The following LINGO2 variants were observed in gnomAD, a reference collection of about 807,000 sequenced individuals.
LINGO2 encodes leucine rich repeat and Ig domain containing 2, also known as leucine-rich repeat and immunoglobulin-like domain-containing nogo receptor-interacting protein 2.
A neutral mutation model predicts 30.6 loss-of-function variants in LINGO2; 14 were observed. That is an observed-to-expected ratio of 0.46 (90% CI 0.30 to 0.72). The LOEUF (loss-of-function observed/expected upper bound fraction) is 0.72. Ranked by LOEUF, LINGO2 falls within the 30% of genes least tolerant of loss-of-function variation. The pLI is 0.07. For synonymous variants in LINGO2, 317 were observed against 288.5 expected, an observed-to-expected ratio of 1.10 and a Z score of -1.00; for missense variants, 729 against 751.7, an observed-to-expected ratio of 0.97 and a Z score of 0.35.
At chr9:28,630,636 T>A (rs1826892634) in intron 1 of LINGO2, among the ~76,000 whole-genome samples, 3 of 152,088 alleles carry the variant, frequency 2.0e-5, no homozygotes, top group Admixed American at 6.6e-5. Context: ...TCTAATGCTA[T>A]CAAAACTAAC....
intron 4 of LINGO2, among the ~76,000 whole-genome samples, chr9:28,185,547 C>G: frequency 6.6e-6 from 1 of 152,098 alleles, no homozygotes; most frequent in East Asian, 1.9e-4. Flanking sequence ...TCTATTTCAT[C>G]AATTTTTGTC....
At chr9:28,865,738 C>G in the LINGO2 span, among the ~76,000 whole-genome samples, 1 of 152,042 alleles carries the variant, frequency 6.6e-6, no homozygotes, top group African/African-American at 2.4e-5. Flanking sequence ...GAGCCAAGAT[C>G]GTGCCACTGC....
intron 2 of LINGO2, among the ~76,000 whole-genome samples, chr9:28,469,761 A>C (rs907041134): frequency 6.6e-6 from 1 of 152,156 alleles, no homozygotes; most frequent in African/African-American, 2.4e-5. Flanking sequence ...TAAAACATTC[A>C]CCAGACAAAC....
chr9:28,867,102 G>C, the LINGO2 span, among the ~76,000 whole-genome samples: 6 of 152,130 alleles, frequency 3.9e-5, no homozygotes, highest in African/African-American at 1.4e-4. Context: ...CTGCAGAACT[G>C]ACAGAGGAAT....
chr9:28,433,949 C>A (rs200213750), intron 2 of LINGO2, among the ~76,000 whole-genome samples: 9,713 of 88,114 alleles, frequency 0.11, 876 homozygotes, highest in African/African-American at 0.2. Flanking sequence ...CTCTCTCTCT[C>A]TATATATATA....
At chr9:28,987,066 T>C in the LINGO2 span, among the ~76,000 whole-genome samples, 1 of 142,478 alleles carries the variant, frequency 7.0e-6, no homozygotes. Flanking sequence ...TTATAAGTTC[T>C]AACAGGTTTT....
chr9:28,725,723 AAAG>A, the LINGO2 span, among the ~76,000 whole-genome samples: 2 of 152,096 alleles, frequency 1.3e-5, no homozygotes, highest in African/African-American at 2.4e-5. Context: ...TCACCTATGA[AAAG>A]AAAAAAGCTC....
chr9:28,098,608 T>C (rs893328780), intron 4 of LINGO2, among the ~76,000 whole-genome samples: 1 of 152,174 alleles, frequency 6.6e-6, no homozygotes, highest in African/African-American at 2.4e-5. Context: ...CTCTGTGTTA[T>C]TCTGATATTT....
intron 3 of LINGO2, among the ~76,000 whole-genome samples, chr9:28,349,583 T>C (rs1201994346): frequency 1.5e-5 from 2 of 133,146 alleles, no homozygotes; most frequent in Admixed American, 1.6e-4. Context: ...CTGCAGGATA[T>C]TATCCAGGAG....
At chr9:28,487,830 A>G (rs1268657316) in intron 1 of LINGO2, among the ~76,000 whole-genome samples, 4 of 152,164 alleles carry the variant, frequency 2.6e-5, no homozygotes, top group African/African-American at 9.7e-5. Flanking sequence ...AAAATTATGG[A>G]ATATTTTTTC....
the LINGO2 span, among the ~76,000 whole-genome samples, chr9:28,830,866 G>T: frequency 2.0e-5 from 3 of 149,670 alleles, no homozygotes; most frequent in Non-Finnish European, 4.4e-5. Flanking sequence ...ACACATGCAT[G>T]TTCACTTGCA....
At chr9:29,064,036 G>A in the LINGO2 span, among the ~76,000 whole-genome samples, 1 of 152,082 alleles carries the variant, frequency 6.6e-6, no homozygotes, top group African/African-American at 2.4e-5. Context: ...AGCTTCACAT[G>A]TGAAAGTTAG....
chr9:28,658,633 T>G (rs900746743), intron 1 of LINGO2, among the ~76,000 whole-genome samples: 1 of 152,120 alleles, frequency 6.6e-6, no homozygotes, highest in African/African-American at 2.4e-5. Flanking sequence ...AACTAAAGTG[T>G]GTCTCTTACA....
rs576015706 is a variant in LINGO2, at chr9:28,510,115, T to C, written c.-364-34090A>G. On this transcript the variant is annotated intron_variant, in intron 1 of 5. Coordinates refer to ENST00000379992, the Ensembl canonical transcript of LINGO2. Reference sequence around the variant, plus strand: ...GGAAATGTGAAAAAGTTAAATATACTTGTGGAAAGTGAGACATTTTTATTG... The same window carrying C: ...GGAAATGTGAAAAAGTTAAATATACCTGTGGAAAGTGAGACATTTTTATTG... Among the ~76,000 whole-genome samples, 4 of 152,324 alleles carry C rather than the reference T, an allele frequency of 2.6e-5. 1 individual carries two copies. In the South Asian group the frequency reaches 8.3e-4, roughly 32 times the overall value.
chr9:28,749,692 T>C, the LINGO2 span, among the ~76,000 whole-genome samples: 3 of 152,044 alleles, frequency 2.0e-5, no homozygotes, highest in Non-Finnish European at 4.4e-5. Context: ...GGCCATCAAA[T>C]ATACCGTGGA....
chr9:29,128,359 C>T, the LINGO2 span, among the ~76,000 whole-genome samples: 1 of 152,128 alleles, frequency 6.6e-6, no homozygotes, highest in African/African-American at 2.4e-5. Flanking sequence ...TGCATCTATT[C>T]CACCTCACTC....
intron 1 of LINGO2, among the ~76,000 whole-genome samples, chr9:28,610,594 G>A (rs1825873894): frequency 6.6e-6 from 1 of 152,116 alleles, no homozygotes; most frequent in African/African-American, 2.4e-5. Flanking sequence ...AGCATTCAAG[G>A]TTTCATCGTG....
intron 4 of LINGO2, among the ~76,000 whole-genome samples, chr9:28,038,572 A>G (rs2132960375): frequency 6.6e-6 from 1 of 152,156 alleles, no homozygotes; most frequent in East Asian, 1.9e-4. Flanking sequence ...GGGCGCCTGT[A>G]GTCCCAGCTA....
At chr9:28,003,194 A>G (rs180818951) in intron 5 of LINGO2, among the ~76,000 whole-genome samples, 9 of 152,272 alleles carry the variant, frequency 5.9e-5, no homozygotes, top group East Asian at 5.8e-4. Flanking sequence ...GGTGGTAGGG[A>G]GAGCTCCTTA....
Sources: gnomAD v4.1 joint callset for allele counts (sites outside exome capture counted in the v4.1 genomes callset) on GRCh38, gnomAD v4.1.1 for gene constraint, MANE v1.5 for transcripts, NCBI Gene and HGNC (gene_info 2026-07-23, HGNC 2026-07-21) for gene names.